NRXN3: variants seen among roughly 807,000 people sequenced by gnomAD.
NRXN3 encodes the protein neurexin 3, also known as neurexin III.
In NRXN3, 32 loss-of-function variants were observed where a neutral mutation model predicts 137.6. The ratio of observed to expected loss-of-function variants is 0.23; its 90% confidence interval spans 0.18 to 0.31. The LOEUF is 0.31. NRXN3 is among the 10% of genes least tolerant of loss of function. The pLI is 1.00. For missense variants in NRXN3, 1,574 were observed against 2,062.5 expected (o/e 0.76, Z 4.59); for synonymous variants, 798 against 784.5 (o/e 1.02, Z -0.29).
intron 4 of NRXN3, among the ~76,000 whole-genome samples, chr14:78,466,025 T>A (rs111986334): frequency 1.6e-3 from 242 of 151,628 alleles, no homozygotes; most frequent in African/African-American, 5.7e-3. Flanking sequence ...CTAATTTTTT[T>A]TGTATTTTTA....
intron 16 of NRXN3, among the ~76,000 whole-genome samples, chr14:79,477,491 AC>A (rs2153632790): frequency 6.6e-6 from 1 of 152,276 alleles, no homozygotes; most frequent in Non-Finnish European, 1.5e-5. Flanking sequence ...ATTATCTGGT[AC>A]ATAGTGGATG....
chr14:79,459,330 C>T (rs1331715358), intron 15 of NRXN3, among the ~76,000 whole-genome samples: 1 of 151,974 alleles, frequency 6.6e-6, no homozygotes, highest in African/African-American at 2.4e-5. Context: ...TGTAATTCAT[C>T]GGGAGTGGGC....
In NRXN3 at chr14:79,015,384, G is replaced by A. The variant is rs1363580151; in HGVS notation, c.3262+27243G>A. 2.6e-5 allele frequency among the ~76,000 whole-genome samples: 4 copies of A among 152,296 alleles called. No homozygotes were observed. In the South Asian group the frequency reaches 6.2e-4, roughly 24 times the overall value. On this transcript the variant is annotated intron_variant, in intron 15 of 20. Transcript: ENST00000335750. ...ATTTTCAATTCTGCAAACCACGGCT[G>A]AGAAAGATGGCAGTGTGTAAGGCTC... is the stretch of plus-strand genomic sequence containing the variant.
At chr14:78,334,080 G>A (rs1419928436) in intron 4 of NRXN3, among the ~76,000 whole-genome samples, 1 of 152,110 alleles carries the variant, frequency 6.6e-6, no homozygotes, top group Non-Finnish European at 1.5e-5. Flanking sequence ...AGGAAGGAAG[G>A]TATTGCCTTT....
chr14:78,396,050 T>G (rs1359509829), intron 4 of NRXN3, among the ~76,000 whole-genome samples: 1 of 152,092 alleles, frequency 6.6e-6, no homozygotes, highest in Admixed American at 6.6e-5. Context: ...GTGTTTCTCT[T>G]TTCTTTTTCT....
chr14:79,464,868 A>G (rs1479483078), intron 15 of NRXN3, among the ~76,000 whole-genome samples: 1 of 152,172 alleles, frequency 6.6e-6, no homozygotes, highest in Non-Finnish European at 1.5e-5. Flanking sequence ...AATATCCCAT[A>G]CAATTGTTGC....
chr14:78,730,658 A>G (rs906956520), intron 8 of NRXN3, among the ~76,000 whole-genome samples: 1 of 152,164 alleles, frequency 6.6e-6, no homozygotes, highest in Non-Finnish European at 1.5e-5. Flanking sequence ...ACAGGCCCCT[A>G]AGGCCTCTTT....
intron 4 of NRXN3, among the ~76,000 whole-genome samples, chr14:78,544,981 G>C (rs903687541): frequency 6.6e-5 from 10 of 152,186 alleles, no homozygotes; most frequent in African/African-American, 2.4e-4. Flanking sequence ...TTTTGTTATT[G>C]CACTTTCTCA....
At chr14:79,810,270 C>A (rs114346089) in intron 20 of NRXN3, among the ~76,000 whole-genome samples, 1 of 152,070 alleles carries the variant, frequency 6.6e-6, no homozygotes, top group Admixed American at 6.6e-5. Context: ...TTCATCCAGT[C>A]GTTATCCAGG....
chr14:78,960,232 G>C (rs1218040235), intron 11 of NRXN3, among the ~76,000 whole-genome samples: 2 of 152,274 alleles, frequency 1.3e-5, no homozygotes, highest in Non-Finnish European at 2.9e-5. Context: ...AAATTTGAGA[G>C]GGGAAAAGTG....
At chr14:79,351,627 C>T (rs985989383) in intron 15 of NRXN3, among the ~76,000 whole-genome samples, 1 of 152,146 alleles carries the variant, frequency 6.6e-6, no homozygotes, top group Non-Finnish European at 1.5e-5. Flanking sequence ...ATATTATATA[C>T]ACAAGTAGCA....
intron 15 of NRXN3, among the ~76,000 whole-genome samples, chr14:79,048,891 C>T (rs1289819076): frequency 6.8e-6 from 1 of 148,036 alleles, no homozygotes; most frequent in Non-Finnish European, 1.5e-5. Flanking sequence ...GGCATGGTGG[C>T]GCGTGCCTGT....
chr14:79,711,977 C>T (rs1329297295), intron 19 of NRXN3, among the ~76,000 whole-genome samples: 1 of 152,130 alleles, frequency 6.6e-6, no homozygotes, highest in Non-Finnish European at 1.5e-5. Context: ...GTTCACCTCC[C>T]CCTTCTGCCC....
chr14:79,734,068 T>C (rs1250102421), intron 19 of NRXN3, among the ~76,000 whole-genome samples: 1 of 152,202 alleles, frequency 6.6e-6, no homozygotes, highest in African/African-American at 2.4e-5. Flanking sequence ...TGAAATACCT[T>C]CCACTAGAGA....
At chr14:78,216,178 A>G (rs1054003006) in intron 1 of NRXN3, among the ~76,000 whole-genome samples, 3 of 150,522 alleles carry the variant, frequency 2.0e-5, no homozygotes, top group African/African-American at 7.3e-5. Flanking sequence ...AAAAGTAATT[A>G]TATTCAAAGA....
chr14:78,652,495 C>T (rs1039618884), intron 6 of NRXN3, among the ~76,000 whole-genome samples: 3 of 152,182 alleles, frequency 2.0e-5, no homozygotes, highest in East Asian at 1.9e-4. Flanking sequence ...GCTTCATTGC[C>T]GAAGATATCT....
At chr14:79,409,505 A>G (rs922615808) in intron 15 of NRXN3, among the ~76,000 whole-genome samples, 1 of 149,958 alleles carries the variant, frequency 6.7e-6, no homozygotes, top group Non-Finnish European at 1.5e-5. Context: ...CTACACATAT[A>G]TATTCACATA....
rs982543300 is a variant in NRXN3, at chr14:78,305,304, G to A, written c.757+7444G>A. Among the ~76,000 whole-genome samples the A allele has an allele frequency of 3.9e-5, 6 of 152,078 alleles. No individual in the cohort carries two copies. The East Asian group carries it at 5.8e-4, about 15-fold the overall frequency. Reference sequence around the variant, plus strand: ...GAACTGATTTTTAAACCTTTAGGGCGGCCGGGCAGCAGGGGGATTTAGTTT... The same window carrying A: ...GAACTGATTTTTAAACCTTTAGGGCAGCCGGGCAGCAGGGGGATTTAGTTT... On this transcript the variant is annotated intron_variant, in intron 4 of 20. Transcript: ENST00000335750.
At chr14:79,633,595 G>A (rs1229619166) in intron 16 of NRXN3, among the ~76,000 whole-genome samples, 4 of 83,846 alleles carry the variant, frequency 4.8e-5, no homozygotes, top group African/African-American at 1.3e-4. Context: ...GTTTCAGGAA[G>A]TCTAGGAAGC....
Sources: allele counts gnomAD v4.1 joint callset (sites outside exome capture counted in the v4.1 genomes callset), GRCh38; gene constraint gnomAD v4.1.1; transcripts MANE v1.5; gene names NCBI Gene and HGNC (gene_info 2026-07-23, HGNC 2026-07-21).